The following OPCML variants were observed in gnomAD, a reference collection of about 807,000 sequenced individuals.
OPCML encodes the protein opioid binding protein/cell adhesion molecule like, also known as opioid-binding protein/cell adhesion molecule.
A neutral mutation model predicts 37.8 loss-of-function variants in OPCML; 13 were observed. That is an observed-to-expected ratio of 0.34 (90% CI 0.22 to 0.55). The LOEUF is 0.55. OPCML is among the 20% of genes least tolerant of loss of function. OPCML has a pLI of 0.91. For missense variants in OPCML, 341 were observed against 435.6 expected, an observed-to-expected ratio of 0.78 and a Z score of 1.93; for synonymous variants, 176 against 168.8, an observed-to-expected ratio of 1.04 and a Z score of -0.33.
chr11:133,304,690 C>T (rs1292791274), intron 1 of OPCML, among the ~76,000 whole-genome samples: 1 of 152,046 alleles, frequency 6.6e-6, no homozygotes, highest in African/African-American at 2.4e-5. Context: ...AGGAAGGTAC[C>T]CTAAAAATCC....
At chr11:133,356,439 C>G (rs977094528) in intron 1 of OPCML, among the ~76,000 whole-genome samples, 1 of 152,138 alleles carries the variant, frequency 6.6e-6, no homozygotes, top group Admixed American at 6.5e-5. Flanking sequence ...TCTCCACAAT[C>G]GGGGTTAGAC....
chr11:133,004,562 C>T, intron 1 of OPCML: 1 of 985,462 alleles, frequency 1.0e-6, no homozygotes, highest in Non-Finnish European at 1.2e-6. Flanking sequence ...ACACTGCCTG[C>T]CAATGCCCAT....
intron 3 of OPCML, among the ~76,000 whole-genome samples, chr11:132,619,958 A>C (rs535878506): frequency 6.6e-6 from 1 of 152,248 alleles, no homozygotes; most frequent in Admixed American, 6.5e-5. Context: ...ATTTGACATT[A>C]AATCTATTTA....
intron 3 of OPCML, among the ~76,000 whole-genome samples, chr11:132,627,781 C>A (rs1939836975): frequency 6.6e-6 from 1 of 152,082 alleles, no homozygotes; most frequent in Admixed American, 6.5e-5. Context: ...CAGGGAGCAT[C>A]CAAGTTAAAG....
intron 4 of OPCML, among the ~76,000 whole-genome samples, chr11:132,444,682 A>G (rs1056670909): frequency 1.1e-4 from 16 of 150,702 alleles, no homozygotes; most frequent in Non-Finnish European, 4.4e-5. Context: ...TATTTAATCC[A>G]CTCTCTTTCT....
At chr11:132,606,478 G>T (rs1432715489) in intron 3 of OPCML, among the ~76,000 whole-genome samples, 5 of 152,140 alleles carry the variant, frequency 3.3e-5, no homozygotes, top group African/African-American at 4.8e-5. Flanking sequence ...TGTCTGCGGG[G>T]TTTGCTTTGT....
rs986582688 is a variant in OPCML at position 132,943,419 on chromosome 11, T to A, written c.62-409A>T. 4 of 386,856 alleles carry A rather than the reference T, an allele frequency of 1.0e-5. No individual in the cohort carries two copies. The highest frequency in any genetic ancestry group is 8.0e-5 in the African/African-American group (4 of 49,946). 24.0% of individuals were successfully genotyped at this position (386,856 alleles called of 1,614,324 possible). On this transcript the variant is annotated intron_variant, in intron 1 of 7. Coordinates refer to ENST00000524381, the MANE Select transcript of OPCML (RefSeq NM_001012393.5). This position sits in a 1 kb window ranked among gnomAD's most constrained non-coding sequence, Gnocchi z 4.3. The stretch of plus-strand genomic sequence containing the variant: ...CGGGGATGAAGGTCACAGATTGCGC[T>A]TTCTCTGCCTCTCTCTTCGAGACGC...
intron 2 of OPCML, among the ~76,000 whole-genome samples, chr11:132,926,580 G>T (rs141834314): frequency 1.4e-3 from 214 of 152,256 alleles, no homozygotes; most frequent in Admixed American, 4.2e-3. Flanking sequence ...GATTAGTGAA[G>T]GTCTTCCCTT....
At chr11:132,519,168 G>C (rs2096286694) in intron 4 of OPCML, among the ~76,000 whole-genome samples, 1 of 152,186 alleles carries the variant, frequency 6.6e-6, no homozygotes, top group African/African-American at 2.4e-5. Flanking sequence ...ATAATTGTTT[G>C]TTGTAAGATG....
At chr11:133,518,526 TGTGA>T (rs1038157471) in intron 1 of OPCML, among the ~76,000 whole-genome samples, 20 of 152,048 alleles carry the variant, frequency 1.3e-4, no homozygotes, top group Non-Finnish European at 7.4e-5. Flanking sequence ...TGCAAGTGTG[TGTGA>T]GTGTGTGCAT....
intron 1 of OPCML, among the ~76,000 whole-genome samples, chr11:133,267,037 A>T (rs953977725): frequency 6.6e-6 from 1 of 152,210 alleles, no homozygotes; most frequent in African/African-American, 2.4e-5. Context: ...CAGAAGTATG[A>T]TTCGGCACCT....
At chr11:132,978,932 G>A (rs1946524500) in intron 1 of OPCML, among the ~76,000 whole-genome samples, 1 of 152,046 alleles carries the variant, frequency 6.6e-6, no homozygotes, top group African/African-American at 2.4e-5. Context: ...TTGAACATGT[G>A]CAAACCCCAA....
intron 3 of OPCML, among the ~76,000 whole-genome samples, chr11:132,559,232 C>T (rs2096405053): frequency 6.6e-6 from 1 of 151,808 alleles, no homozygotes; most frequent in African/African-American, 2.4e-5. Flanking sequence ...CTCGGTCTCC[C>T]ACTGTCAAAT....
At chr11:133,316,206 AAG>A (rs564311327) in intron 1 of OPCML, among the ~76,000 whole-genome samples, 1 of 152,178 alleles carries the variant, frequency 6.6e-6, no homozygotes, top group Non-Finnish European at 1.5e-5. Context: ...AGATAGGAAC[AAG>A]ACTGAGGTGG....
intron 2 of OPCML, among the ~76,000 whole-genome samples, chr11:132,715,018 G>A (rs1944415754): frequency 6.6e-6 from 1 of 152,138 alleles, no homozygotes; most frequent in Admixed American, 6.5e-5. Context: ...GACACTTAAT[G>A]GGGTCTCTGC....
At chr11:133,144,193 C>A (rs988399276) in intron 1 of OPCML, among the ~76,000 whole-genome samples, 1 of 152,182 alleles carries the variant, frequency 6.6e-6, no homozygotes, top group Non-Finnish European at 1.5e-5. Flanking sequence ...AACAGCAGCC[C>A]ATCTCTGCTT....
chr11:133,387,556 G>A (rs1362718545), intron 1 of OPCML, among the ~76,000 whole-genome samples: 1 of 152,208 alleles, frequency 6.6e-6, no homozygotes, highest in African/African-American at 2.4e-5. Context: ...CACCGGTTGT[G>A]TAAACTTGAG....
At chr11:133,200,318 GGTTT>G (rs1302249784) in intron 1 of OPCML, among the ~76,000 whole-genome samples, 1 of 148,084 alleles carries the variant, frequency 6.8e-6, no homozygotes, top group African/African-American at 2.6e-5. Context: ...AGAGGAGAGT[GGTTT>G]ATTTGGGGGC....
intron 1 of OPCML, among the ~76,000 whole-genome samples, chr11:133,399,581 C>T (rs968649433): frequency 2.6e-5 from 4 of 152,184 alleles, no homozygotes; most frequent in South Asian, 2.1e-4. Flanking sequence ...GGACAGTGGG[C>T]ATTCAGCGAA....
Sources: allele counts gnomAD v4.1 joint callset (sites outside exome capture counted in the v4.1 genomes callset), GRCh38; gene constraint gnomAD v4.1.1; non-coding constraint Gnocchi (gnomAD v3.1); transcripts MANE v1.5; gene names NCBI Gene and HGNC (gene_info 2026-07-23, HGNC 2026-07-21).